UBA6: variants seen among roughly 807,000 people sequenced by gnomAD.
UBA6 encodes the protein ubiquitin like modifier activating enzyme 6.
Under a neutral mutation model 148.3 loss-of-function variants are expected in UBA6, and 87 were observed. That is an observed-to-expected ratio of 0.59 (90% CI 0.49 to 0.70). The LOEUF is 0.70. Ranked by LOEUF, UBA6 falls within the 30% of genes least tolerant of loss-of-function variation. The pLI is 0.00. For synonymous variants in UBA6, 376 were observed against 401.0 expected, an observed-to-expected ratio of 0.94 and a Z score of 0.75; for missense variants, 1,186 against 1,241.2, an observed-to-expected ratio of 0.96 and a Z score of 0.67.
chr4:67,685,396 A>C (rs1456955148), intron 2 of UBA6, among the ~76,000 whole-genome samples: 4 of 152,210 alleles, frequency 2.6e-5, no homozygotes, highest in Non-Finnish European at 5.9e-5. Flanking sequence ...GGCATTCATG[A>C]ACTAGTCCCT....
chr4:67,620,851 TCAAGGTAACAAAACTAAG>T (rs1267864261), intron 32 of UBA6, among the ~76,000 whole-genome samples: 1 of 152,172 alleles, frequency 6.6e-6, no homozygotes, highest in Non-Finnish European at 1.5e-5. Flanking sequence ...CAAAAGCTAC[TCAAGGTAACAAAACTAAG>T]CAGCTGAGCA....
chr4:67,686,933 A>AACAGAAAG (rs1730579325), intron 2 of UBA6, among the ~76,000 whole-genome samples: 1 of 117,384 alleles, frequency 8.5e-6, no homozygotes, highest in African/African-American at 3.3e-5. Flanking sequence ...AAGCCTGGGC[A>AACAGAAAG]ACAGCAAGAT....
At position 67,624,257 on chromosome 4, in the gene UBA6, G is replaced by A; in HGVS notation, c.2713-4C>T. 1.8e-5 allele frequency: 29 copies of A among 1,592,718 alleles called. No individual in the cohort carries two copies. The highest frequency in any genetic ancestry group is 2.5e-5 in the Non-Finnish European group (29 of 1,172,984). ...CTTTGATCATCTCCAAGGCAACCTAGATAAAAGAAGGTGATCTGATAATAT... is the reference window on the plus strand; with the variant it reads ...CTTTGATCATCTCCAAGGCAACCTAAATAAAAGAAGGTGATCTGATAATAT... On this transcript the variant is annotated splice_polypyrimidine_tract_variant and splice_region_variant and intron_variant, in intron 29 of 32. Coordinates refer to ENST00000322244, the MANE Select transcript of UBA6 (RefSeq NM_018227.6).
In UBA6 at chr4:67,613,581, G is replaced by C. The variant is rs1423811520; in HGVS notation, c.*5416C>G. 1 of 152,016 alleles carries C rather than the reference G, an allele frequency of 6.6e-6. No homozygotes were observed. Among genetic ancestry groups the C allele is most frequent in the Admixed American group, 6.6e-5 (1 of 15,242 alleles). 9.4% of individuals were successfully genotyped at this position (152,016 alleles called of 1,614,324 possible). On this transcript the variant is annotated 3_prime_UTR_variant, in exon 33 of 33. Coordinates refer to ENST00000322244, the MANE Select transcript of UBA6 (RefSeq NM_018227.6). Reference sequence around the variant, plus strand: ...CTCTAAAAGAACAATAAGTTGGGAGGATTTGTTTGGCCAGATATCAAGAAT... The same window carrying C: ...CTCTAAAAGAACAATAAGTTGGGAGCATTTGTTTGGCCAGATATCAAGAAT...
chr4:67,661,285 C>A (rs1729849477), intron 13 of UBA6, among the ~76,000 whole-genome samples: 1 of 152,016 alleles, frequency 6.6e-6, no homozygotes, highest in African/African-American at 2.4e-5. Flanking sequence ...TGGCTGTGTC[C>A]CCACCCAAAA....
In UBA6 at chr4:67,649,204, ACAT is replaced by A. The variant is rs1389442960; in HGVS notation, c.1109_1111del (p.Asp370del). ...GAGCCAATGCACAATGTCAGCATTT[ACAT>A]CAGGCTAAAACAAAAGCCATAAAAG... On this transcript the variant is annotated inframe_deletion, in exon 14 of 33. Coordinates refer to ENST00000322244, the MANE Select transcript of UBA6 (RefSeq NM_018227.6). The A allele has an allele frequency of 6.2e-7, 1 of 1,608,214 alleles. No individual in the cohort carries two copies. Among genetic ancestry groups the A allele is most frequent in the Non-Finnish European group, 8.5e-7 (1 of 1,177,724 alleles).
At chr4:67,673,934 C>A (rs1730213352) in intron 6 of UBA6, among the ~76,000 whole-genome samples, 157 bp from the exon 7 acceptor site, 1 of 152,188 alleles carries the variant, frequency 6.6e-6, no homozygotes, top group Non-Finnish European at 1.5e-5. Context: ...AAGGTTAATA[C>A]CTTCACAAAG....
In UBA6 at chr4:67,667,830, T is replaced by C. The variant is rs182281484; in HGVS notation, c.793+721A>G. 1.2e-3 allele frequency among the ~76,000 whole-genome samples: 184 copies of C among 152,326 alleles called. 1 individual carries two copies. Among genetic ancestry groups the C allele is most frequent in the African/African-American group, 4.0e-3 (166 of 41,590 alleles). ...GGCACCTTTCATTTCCTTTTGGCAA[T>C]GACTTCGCATTAGTCCAGTAAAAAA... On this transcript the variant is annotated intron_variant, in intron 9 of 32. Transcript: ENST00000322244.
At chr4:67,673,579 AT>A (rs373619438) in intron 7 of UBA6, 117 bp downstream of exon 7, 55 of 541,946 alleles carry the variant, frequency 1.0e-4, no homozygotes, top group Non-Finnish European at 1.5e-4. Context: ...AATGAAAAAA[AT>A]GATTGTGATT....
Position 67,649,079 on chromosome 4 carries a change from A to C in UBA6, c.1237T>G (p.Leu413Val), listed in dbSNP as rs754540770. The C allele has an allele frequency of 1.9e-6, 3 of 1,613,630 alleles. 1 individual carries two copies. The South Asian group carries it at 3.3e-5, about 18-fold the overall frequency. The change falls in exon 14 of 33, where the codon TTG (leucine) becomes GTG (valine). Residue 413 changes from leucine (L) to valine (V), a missense_variant. Physicochemically the swap from Leu to Val is conservative, Grantham distance 32. Transcript: ENST00000322244. Reference protein sequence around the residue: ...LKAVTGKFSPLCQWLYLEAAD... With the variant: ...LKAVTGKFSPVCQWLYLEAAD... ...AACTCAGAACTAACCCACTGGCACAAAGGAGAAAATTTTCCTGTTACAGCT... is the reference window on the plus strand; with the variant it reads ...AACTCAGAACTAACCCACTGGCACACAGGAGAAAATTTTCCTGTTACAGCT...
Position 67,696,688 on chromosome 4 carries a change from T to C in UBA6, c.91A>G (p.Ile31Val). 1.2e-6 allele frequency: 2 copies of C among 1,607,546 alleles called. No homozygotes were observed. The highest frequency in any genetic ancestry group is 1.7e-6 in the Non-Finnish European group (2 of 1,176,658). ...ATTTCCACAGATGCTGTTGACATAA[T>C]GGGCAAATTTTTATTTGTGCTGGAA... ...GTGSTNKNLP[I>V]MSTASVEIDD... Residue 31 changes from isoleucine (I) to valine (V), a missense_variant, in exon 2 of 33, where the codon ATT becomes GTT. Physicochemically the swap from Ile to Val is conservative, Grantham distance 29 (BLOSUM62 3). Transcript: ENST00000322244.
intron 22 of UBA6, 36 bp from the exon 23 acceptor site, chr4:67,633,509 C>A: frequency 6.4e-7 from 1 of 1,555,092 alleles, no homozygotes; most frequent in African/African-American, 1.4e-5. Context: ...CAACATACTT[C>A]CAATTACAAA....
rs894456662 is a variant in UBA6 at position 67,665,351 on chromosome 4, C to A, written c.794-59G>T. On this transcript the variant is annotated intron_variant, in intron 9 of 32. Coordinates refer to ENST00000322244, the MANE Select transcript of UBA6 (RefSeq NM_018227.6). ...AGGGATATAGATATTTAAATTTCAA[C>A]TCTTATTGTCATAAGAGGTTAATTA... 3 of 1,025,304 alleles carry A rather than the reference C, an allele frequency of 2.9e-6. No homozygotes were observed. In the African/African-American group the frequency reaches 5.1e-5, roughly 17 times the overall value. The allele number at this position is 1,025,304 out of a possible 1,614,324, so 63.5% of individuals were successfully genotyped here.
chr4:67,625,212 A>C, intron 28 of UBA6, 25 bp from the exon 29 acceptor site: 4 of 1,556,936 alleles, frequency 2.6e-6, no homozygotes, highest in Non-Finnish European at 3.5e-6. Context: ...CAGATAAACA[A>C]AGTTCCACAG....
chr4:67,646,604 G>T, intron 15 of UBA6, 120 bp downstream of exon 15: 1 of 672,082 alleles, frequency 1.5e-6, no homozygotes, highest in Non-Finnish European at 2.5e-6. Context: ...TTCCTAAGTA[G>T]AGAAAAAACA....
chr4:67,642,205 C>A (rs1192138914), intron 17 of UBA6, among the ~76,000 whole-genome samples: 1 of 151,994 alleles, frequency 6.6e-6, no homozygotes, highest in Non-Finnish European at 1.5e-5. Context: ...TTGTACTGGA[C>A]TGACCAAGTT....
intron 13 of UBA6, among the ~76,000 whole-genome samples, chr4:67,657,593 T>C (rs1248385486): frequency 6.6e-6 from 1 of 151,952 alleles, no homozygotes; most frequent in Non-Finnish European, 1.5e-5. Flanking sequence ...ACCTAGGCAA[T>C]ACCATTCAGA....
rs762280657 is a variant in UBA6, at chr4:67,649,056, C to A, written c.1248+12G>T. On this transcript the variant is annotated intron_variant, in intron 14 of 32. Coordinates refer to ENST00000322244, the MANE Select transcript of UBA6 (RefSeq NM_018227.6). The stretch of plus-strand genomic sequence containing the variant: ...CGAGTAAAGAATTCAACTTTAAAAA[C>A]TCAGAACTAACCCACTGGCACAAAG... 1 of 1,606,966 alleles carries A rather than the reference C, an allele frequency of 6.2e-7. No individual in the cohort carries two copies. Among genetic ancestry groups the A allele is most frequent in the Non-Finnish European group, 8.5e-7 (1 of 1,177,546 alleles).
intron 4 of UBA6, among the ~76,000 whole-genome samples, chr4:67,681,017 T>C (rs2109949767): frequency 6.6e-6 from 1 of 152,144 alleles, no homozygotes; most frequent in Admixed American, 6.5e-5. Context: ...GCTAATACCT[T>C]GACTGCAGCC....
Sources: allele counts gnomAD v4.1 joint callset (sites outside exome capture counted in the v4.1 genomes callset), GRCh38; gene constraint gnomAD v4.1.1; transcripts MANE v1.5; gene names NCBI Gene and HGNC (gene_info 2026-07-23, HGNC 2026-07-21).